The following GRID1 variants were observed in gnomAD, a reference collection of about 807,000 sequenced individuals.
GRID1 encodes glutamate ionotropic receptor delta type subunit 1.
In GRID1, 28 loss-of-function variants were observed where a neutral mutation model predicts 98.0. The ratio of observed to expected loss-of-function variants is 0.29; its 90% CI spans 0.21 to 0.39. GRID1 has a LOEUF of 0.39. Among genes scored for constraint, GRID1 ranks in the 10% least tolerant of loss-of-function variants. GRID1 has a pLI of 1.00. For synonymous variants in GRID1, 553 were observed against 538.5 expected, an observed-to-expected ratio of 1.03 and a Z score of -0.37; for missense variants, 1,111 against 1,340.5, an observed-to-expected ratio of 0.83 and a Z score of 2.67.
At chr10:85,967,973 G>T (rs1176591771) in intron 4 of GRID1, among the ~76,000 whole-genome samples, 2 of 152,050 alleles carry the variant, frequency 1.3e-5, no homozygotes, top group Non-Finnish European at 2.9e-5. Flanking sequence ...AAATGAGAAT[G>T]GATAAAATTT....
intron 4 of GRID1, among the ~76,000 whole-genome samples, chr10:86,064,742 C>T (rs997838952): frequency 4.6e-5 from 7 of 152,224 alleles, no homozygotes; most frequent in Non-Finnish European, 8.8e-5. Context: ...AAGCCTCACA[C>T]TTCCCCACTC....
intron 3 of GRID1, among the ~76,000 whole-genome samples, chr10:86,167,989 G>C (rs951858245): frequency 6.6e-5 from 10 of 152,244 alleles, no homozygotes; most frequent in African/African-American, 2.4e-4. Flanking sequence ...CCACAGCCTT[G>C]AGCACACTGT....
Position 85,600,881 on chromosome 10 carries a change from G to T in GRID1, c.*1392C>A. 1 of 152,556 alleles carries T rather than the reference G, an allele frequency of 6.6e-6. No homozygotes were observed. The highest frequency in any genetic ancestry group is 1.5e-5 in the Non-Finnish European group (1 of 68,220). 9.5% of individuals were successfully genotyped at this position (152,556 alleles called of 1,614,324 possible). A position where few individuals can be genotyped will look rare whatever the true frequency, so the allele number is the denominator to read the frequency against. On this transcript the variant is annotated 3_prime_UTR_variant, in exon 16 of 16. Transcript: ENST00000327946. ...CTCAGAGGTTATCAGATGCCTGAGT[G>T]GGGAGGGCCCCTGCTCTGGGTTGGA...
intron 12 of GRID1, among the ~76,000 whole-genome samples, chr10:85,707,831 G>T (rs1340261578): frequency 6.6e-6 from 1 of 152,050 alleles, no homozygotes; most frequent in Non-Finnish European, 1.5e-5. Context: ...AATGAAGCTG[G>T]AAACCATCAT....
intron 5 of GRID1, among the ~76,000 whole-genome samples, chr10:85,912,643 G>T (rs1232182949): frequency 6.6e-6 from 1 of 152,212 alleles, no homozygotes; most frequent in Non-Finnish European, 1.5e-5. Context: ...CACCTGCGGT[G>T]GTCGGGGAGG....
chr10:85,760,726 C>A (rs114876125), intron 8 of GRID1, among the ~76,000 whole-genome samples: 1 of 152,162 alleles, frequency 6.6e-6, no homozygotes, highest in African/African-American at 2.4e-5. Flanking sequence ...CTCAATTTTC[C>A]TGTTTTATCT....
At chr10:86,224,479 G>T (rs566869018) in intron 2 of GRID1, among the ~76,000 whole-genome samples, 1 of 152,162 alleles carries the variant, frequency 6.6e-6, no homozygotes, top group Admixed American at 6.5e-5. Flanking sequence ...TGCCACAGCT[G>T]GATCCATGGC....
At chr10:86,009,375 A>C (rs1842900209) in intron 4 of GRID1, among the ~76,000 whole-genome samples, 1 of 152,212 alleles carries the variant, frequency 6.6e-6, no homozygotes, top group African/African-American at 2.4e-5. Flanking sequence ...AGCTGCAACC[A>C]GTTTTATTTA....
chr10:86,257,181 G>T (rs994640608), intron 2 of GRID1, among the ~76,000 whole-genome samples: 1 of 152,208 alleles, frequency 6.6e-6, no homozygotes, highest in Non-Finnish European at 1.5e-5. Context: ...TTTCAATGAG[G>T]TATTCACACA....
At chr10:86,027,922 T>C (rs1028779534) in intron 4 of GRID1, among the ~76,000 whole-genome samples, 7 of 152,226 alleles carry the variant, frequency 4.6e-5, no homozygotes, top group Non-Finnish European at 7.3e-5. Flanking sequence ...AGAATAAACA[T>C]TGATGAACAC....
At chr10:86,054,544 G>A (rs900228068) in intron 4 of GRID1, among the ~76,000 whole-genome samples, 2 of 152,298 alleles carry the variant, frequency 1.3e-5, no homozygotes, top group Admixed American at 1.3e-4. Flanking sequence ...GGGTGTAAAG[G>A]AGAGAGCAGT....
At chr10:85,638,441 A>C (rs1366390723) in intron 13 of GRID1, among the ~76,000 whole-genome samples, 1 of 152,236 alleles carries the variant, frequency 6.6e-6, no homozygotes. Flanking sequence ...TACCTGACTT[A>C]AGGAATTATT....
At chr10:85,798,060 A>G (rs75680605) in intron 8 of GRID1, among the ~76,000 whole-genome samples, 2,165 of 152,332 alleles carry the variant, frequency 0.014, 57 homozygotes, top group African/African-American at 0.049. Context: ...TTGTGAATAC[A>G]TGGTGATGAC....
chr10:85,613,934 G>T (rs926729688), intron 14 of GRID1, among the ~76,000 whole-genome samples: 5 of 152,156 alleles, frequency 3.3e-5, no homozygotes, highest in Admixed American at 3.3e-4. Context: ...ATCACATAAG[G>T]CCCATTACAT....
chr10:85,802,472 A>G (rs987139730), intron 8 of GRID1, among the ~76,000 whole-genome samples: 1 of 152,124 alleles, frequency 6.6e-6, no homozygotes, highest in Non-Finnish European at 1.5e-5. Context: ...ATGATAAATC[A>G]TTAGGCAAAG....
At chr10:85,805,767 GATAA>G (rs540518856) in intron 8 of GRID1, among the ~76,000 whole-genome samples, 146 of 151,890 alleles carry the variant, frequency 9.6e-4, no homozygotes, top group Admixed American at 3.5e-3. Flanking sequence ...GATATCATAT[GATAA>G]ATAAATAGGT....
At chr10:85,997,931 G>C (rs1488257351) in intron 4 of GRID1, among the ~76,000 whole-genome samples, 2 of 152,028 alleles carry the variant, frequency 1.3e-5, no homozygotes, top group Admixed American at 6.5e-5. Context: ...ATTAACATCA[G>C]ACAAATGAAA....
intron 13 of GRID1, among the ~76,000 whole-genome samples, chr10:85,632,253 G>A (rs1249746194): frequency 2.0e-5 from 3 of 152,108 alleles, no homozygotes; most frequent in Admixed American, 1.3e-4. Flanking sequence ...TCTTCCAGAG[G>A]CTTCACAGAC....
chr10:85,716,346 G>T (rs1315948548), intron 12 of GRID1, among the ~76,000 whole-genome samples: 1 of 152,104 alleles, frequency 6.6e-6, no homozygotes, highest in African/African-American at 2.4e-5. Flanking sequence ...TCACTCATAG[G>T]TGGGAATTGA....
Sources: gnomAD v4.1 joint callset for allele counts (sites outside exome capture counted in the v4.1 genomes callset) on GRCh38, gnomAD v4.1.1 for gene constraint, MANE v1.5 for transcripts, NCBI Gene and HGNC (gene_info 2026-07-23, HGNC 2026-07-21) for gene names.